Variants in ARHGAP31 observed in about 807,000 individuals in gnomAD.
The protein encoded by ARHGAP31 is rho GTPase-activating protein 31.
In ARHGAP31, 34 loss-of-function variants were observed where a neutral mutation model predicts 113.9. That is an observed-to-expected ratio of 0.30 (90% CI 0.23 to 0.40). The LOEUF (loss-of-function observed/expected upper bound fraction) is 0.40, where lower values mean the gene tolerates loss of function less well. Ranked by LOEUF, ARHGAP31 falls within the 10% of genes least tolerant of loss-of-function variation. The pLI, the probability that ARHGAP31 is intolerant of heterozygous loss-of-function variation, is 1.00. For synonymous variants in ARHGAP31, 650 were observed against 684.8 expected (o/e 0.95, Z 0.79); for missense variants, 1,548 against 1,767.1 (o/e 0.88, Z 2.22).
At chr3:119,349,206 A>G (rs1273259162) in intron 1 of ARHGAP31, among the ~76,000 whole-genome samples, 1 of 152,242 alleles carries the variant, frequency 6.6e-6, no homozygotes, top group African/African-American at 2.4e-5. Flanking sequence ...ATTGAGGAAG[A>G]GGCCAATGTG....
chr3:119,295,124 C>T lies in ARHGAP31; in HGVS notation c.100+120C>T. The T allele has an allele frequency of 6.9e-6, 6 of 863,366 alleles. No homozygotes were observed. The South Asian group carries it at 7.6e-5, about 11-fold the overall frequency. 53.5% of individuals were successfully genotyped at this position (863,366 alleles called of 1,614,324 possible). ...TTAATGTATTCCAGGCCTGTGCGCT[C>T]ATTGCACTTTTTTTTCTTTTTTTTT... On this transcript the variant is annotated intron_variant, in intron 1 of 11. Transcript: ENST00000264245.
At chr3:119,406,758 G>A (rs1015053888) in intron 10 of ARHGAP31, among the ~76,000 whole-genome samples, 4 of 152,210 alleles carry the variant, frequency 2.6e-5, no homozygotes, top group East Asian at 1.9e-4. Context: ...ATTAACTGGG[G>A]TAGCTCTCAA....
rs761290127 is a variant in ARHGAP31, at chr3:119,401,942, A to T, written c.1190A>T (p.Glu397Val). Residue 397 changes from glutamate to valine, a missense_variant, in exon 10 of 12, where the codon GAA (glutamate) becomes GTA (valine). By Grantham distance (121) the Glu-to-Val change is moderately radical. Transcript: ENST00000264245. ...TGTGACCTCACCAAGCAGGAGGGCGAATGGGGCCAGGAGGGGATGCCTCCC... is the reference window on the plus strand; with the variant it reads ...TGTGACCTCACCAAGCAGGAGGGCGTATGGGGCCAGGAGGGGATGCCTCCC... Reference protein sequence around the residue: ...SSCDLTKQEGEWGQEGMPPGA... With the variant: ...SSCDLTKQEGVWGQEGMPPGA... 1.9e-6 allele frequency: 3 copies of T among 1,613,966 alleles called. No homozygotes were observed. The highest frequency in any genetic ancestry group is 1.7e-5 in the Admixed American group (1 of 59,998).
Position 119,420,237 on chromosome 3 carries a change from A to G in ARHGAP31, c.*3973A>G, listed in dbSNP as rs2080809743. On this transcript the variant is annotated 3_prime_UTR_variant, in exon 12 of 12. Coordinates refer to ENST00000264245, the MANE Select transcript of ARHGAP31 (RefSeq NM_020754.4). ...ATTTGGGCCACATTCTACCACGGCC[A>G]GTCCAATCTGATGACCACATGAATT... 1 of 152,272 alleles carries G rather than the reference A, an allele frequency of 6.6e-6. No homozygotes were observed. Among genetic ancestry groups the G allele is most frequent in the Non-Finnish European group, 1.5e-5 (1 of 68,060 alleles). 9.4% of individuals were successfully genotyped at this position (152,272 alleles called of 1,614,324 possible). A position where few individuals can be genotyped will look rare whatever the true frequency, so the allele number is the denominator to read the frequency against.
chr3:119,339,621 C>T (rs1462664613), intron 1 of ARHGAP31, among the ~76,000 whole-genome samples: 1 of 152,092 alleles, frequency 6.6e-6, no homozygotes, highest in South Asian at 2.1e-4. Context: ...CGACCCCACA[C>T]AAGTACAACC....
At chr3:119,329,631 T>A (rs942343387) in intron 1 of ARHGAP31, among the ~76,000 whole-genome samples, 2 of 152,188 alleles carry the variant, frequency 1.3e-5, no homozygotes, top group African/African-American at 4.8e-5. Flanking sequence ...TCTCCAGTTA[T>A]AAACAAAGGC....
At chr3:119,306,875 T>G (rs2079634543) in intron 1 of ARHGAP31, among the ~76,000 whole-genome samples, 1 of 152,232 alleles carries the variant, frequency 6.6e-6, no homozygotes, top group Admixed American at 6.5e-5. Context: ...TTCATTATAC[T>G]TTTATATTGC....
intron 10 of ARHGAP31, among the ~76,000 whole-genome samples, chr3:119,405,271 A>G (rs992886508): frequency 2.6e-5 from 4 of 152,170 alleles, no homozygotes; most frequent in African/African-American, 9.7e-5. Flanking sequence ...CTGCTATAAT[A>G]TAGAAAATAA....
chr3:119,398,768 C>T (rs940841994), intron 8 of ARHGAP31, among the ~76,000 whole-genome samples: 1 of 152,218 alleles, frequency 6.6e-6, no homozygotes, highest in African/African-American at 2.4e-5. Context: ...GGCCCTCTCA[C>T]CTGCTGTACC....
At chr3:119,359,238 G>C (rs1294317511) in intron 1 of ARHGAP31, among the ~76,000 whole-genome samples, 1 of 151,920 alleles carries the variant, frequency 6.6e-6, no homozygotes, top group Admixed American at 6.6e-5. Flanking sequence ...GGCTGGTCTT[G>C]AACTCCTGAC....
chr3:119,414,804 C>T lies in ARHGAP31; in HGVS notation c.2875C>T (p.Pro959Ser), dbSNP rs1217508036. The change falls in exon 12 of 12, where the codon CCC becomes TCC. Residue 959 changes from proline (P) to serine (S), a missense_variant. By Grantham distance (74) the Pro-to-Ser change is moderately conservative (BLOSUM62 -1). Coordinates refer to ENST00000264245, the MANE Select transcript of ARHGAP31 (RefSeq NM_020754.4). Reference sequence around the variant, plus strand: ...CCAGAGCCATTCTCTAGATAGCAAACCCACGGTTAAAAGCCAGTGGACTCT... The same window carrying T: ...CCAGAGCCATTCTCTAGATAGCAAATCCACGGTTAAAAGCCAGTGGACTCT... ...LRQSHSLDSK[P>S]TVKSQWTLEV... 6.2e-7 allele frequency: 1 copy of T among 1,614,118 alleles called. No individual in the cohort carries two copies. Among genetic ancestry groups the T allele is most frequent in the African/African-American group, 1.3e-5 (1 of 74,938 alleles).
In ARHGAP31 at chr3:119,365,368, G is replaced by C; in HGVS notation, c.153G>C (p.Val51=). 6.2e-7 allele frequency: 1 copy of C among 1,614,092 alleles called. No homozygotes were observed. Among genetic ancestry groups the C allele is most frequent in the Non-Finnish European group, 8.5e-7 (1 of 1,180,022 alleles). The change falls in exon 2 of 12, where the codon GTG becomes GTC. Residue 51 remains valine, a synonymous_variant. Coordinates refer to ENST00000264245, the MANE Select transcript of ARHGAP31 (RefSeq NM_020754.4). The part of the protein sequence containing the change: ...CAEFIETHGI[V]DGIYRLSGVT... ...AATTTATAGAGACTCACGGCATCGT[G>C]GATGGAATCTATCGGCTTTCAGGAG...
chr3:119,305,768 A>G (rs1935644209), intron 1 of ARHGAP31, among the ~76,000 whole-genome samples: 2 of 152,238 alleles, frequency 1.3e-5, no homozygotes, highest in African/African-American at 4.8e-5. Flanking sequence ...AGCCAAATGC[A>G]GGTCTCTGAA....
At chr3:119,352,803 G>A (rs2080121378) in intron 1 of ARHGAP31, among the ~76,000 whole-genome samples, 1 of 152,156 alleles carries the variant, frequency 6.6e-6, no homozygotes, top group Non-Finnish European at 1.5e-5. Flanking sequence ...GATTTATCTG[G>A]AAGTAGAGAT....
intron 11 of ARHGAP31, 37 bp downstream of exon 11, chr3:119,409,813 G>A: frequency 1.3e-6 from 2 of 1,548,522 alleles, no homozygotes; most frequent in Middle Eastern, 2.3e-4. Flanking sequence ...GCCAGGTGGA[G>A]TTATTTTTTC....
rs2079515390 is a variant in ARHGAP31, at chr3:119,294,602, G to A, written c.-303G>A. The A allele has an allele frequency of 1.3e-5, 7 of 534,948 alleles. No homozygotes were observed. The South Asian group carries it at 1.9e-4, about 15-fold the overall frequency. The allele number at this position is 534,948 out of a possible 1,614,324, so 33.1% of individuals were successfully genotyped here. A position where few individuals can be genotyped will look rare whatever the true frequency, so the allele number is the denominator to read the frequency against. On this transcript the variant is annotated 5_prime_UTR_variant, in exon 1 of 12. Transcript: ENST00000264245. ...AGAAACACCCGAAGACACCGCAGGAGCCTGTGAAAGTCCCTAGGACTCCAA... is the reference window on the plus strand; with the variant it reads ...AGAAACACCCGAAGACACCGCAGGAACCTGTGAAAGTCCCTAGGACTCCAA...
chr3:119,320,926 G>A (rs535694526), intron 1 of ARHGAP31, among the ~76,000 whole-genome samples: 7 of 152,082 alleles, frequency 4.6e-5, no homozygotes, highest in Non-Finnish European at 1.0e-4. Context: ...TAAGTCTCAC[G>A]AGATCTGATG....
chr3:119,415,536 A>G lies in ARHGAP31; in HGVS notation c.3607A>G (p.Ile1203Val), dbSNP rs558707003. ...GTGCCAGGCCAGGGCGGTCCCAGTC[A>G]TCCCTCCCAAGATTCAGTACACCCA... ...KMCQARAVPVIPPKIQYTQIP... is the reference protein window; with the variant it reads ...KMCQARAVPVVPPKIQYTQIP... Residue 1203 changes from isoleucine to valine, a missense_variant, in exon 12 of 12, where the codon ATC becomes GTC. Coordinates refer to ENST00000264245, the MANE Select transcript of ARHGAP31 (RefSeq NM_020754.4). 4.3e-6 allele frequency: 7 copies of G among 1,614,090 alleles called. No individual in the cohort carries two copies. The African/African-American group carries it at 9.3e-5, about 22-fold the overall frequency.
intron 2 of ARHGAP31, 120 bp from the exon 3 acceptor site, chr3:119,368,252 G>T: frequency 7.7e-7 from 1 of 1,306,104 alleles, no homozygotes. Context: ...TTTGAATTAA[G>T]GTCAAAAATA....
Sources: gnomAD v4.1 joint callset for allele counts (sites outside exome capture counted in the v4.1 genomes callset) on GRCh38, gnomAD v4.1.1 for gene constraint, MANE v1.5 for transcripts, NCBI Gene and HGNC (gene_info 2026-07-23, HGNC 2026-07-21) for gene names.